Variants in ERICH3 observed in about 807,000 individuals in gnomAD.
The protein encoded by ERICH3 is glutamate-rich protein 3.
ERICH3 carries 126 observed loss-of-function variants against 131.1 expected under a neutral mutation model. The observed-to-expected ratio is 0.96, with a 90% CI of 0.83 to 1.11. The LOEUF (loss-of-function observed/expected upper bound fraction) is 1.11, where lower values mean the gene tolerates loss of function less well. Ranked by LOEUF, ERICH3 falls within the 50% of genes most tolerant of loss-of-function variation. ERICH3 has a pLI of 0.00. For missense variants in ERICH3, 2,050 were observed against 1,810.7 expected (o/e 1.13, Z -2.40); for synonymous variants, 695 against 644.6 (o/e 1.08, Z -1.18).
chr1:74,602,752 G>GA lies in ERICH3; in HGVS notation c.1490-2822dup, dbSNP rs1390092693. ...CATAGCACTAGTTATGTTGGTTTAA[G>GA]AAAAAAAAAGAAAATGAAAAGCTTT... On this transcript the variant is annotated intron_variant, in intron 10 of 14. Coordinates refer to ENST00000326665, the MANE Select transcript of ERICH3 (RefSeq NM_001002912.5). Among the ~76,000 whole-genome samples the GA allele has an allele frequency of 2.7e-5, 4 of 149,768 alleles. No individual in the cohort carries two copies. In the East Asian group the frequency reaches 5.9e-4, roughly 22 times the overall value.
Position 74,598,589 on chromosome 1 carries a change from A to T in ERICH3, c.1726+1106T>A, listed in dbSNP as rs1310828614. 2.6e-5 allele frequency among the ~76,000 whole-genome samples: 4 copies of T among 152,028 alleles called. No individual in the cohort carries two copies. The East Asian group carries it at 7.8e-4, about 29-fold the overall frequency. On this transcript the variant is annotated intron_variant, in intron 11 of 14. Coordinates refer to ENST00000326665, the MANE Select transcript of ERICH3 (RefSeq NM_001002912.5). ...GAGCCCCTCAATAGCCATAATATCC[A>T]ATAGAGAAATGAGTAAAGCAAGCAA...
At chr1:74,632,577 C>CAT (rs1435152793) in intron 6 of ERICH3, among the ~76,000 whole-genome samples, 3 of 151,778 alleles carry the variant, frequency 2.0e-5, no homozygotes, top group East Asian at 1.9e-4. Flanking sequence ...CACACACACA[C>CAT]ATATATATGA....
At chr1:74,618,878 G>C (rs572436508) in intron 8 of ERICH3, among the ~76,000 whole-genome samples, 2 of 152,128 alleles carry the variant, frequency 1.3e-5, no homozygotes, top group African/African-American at 4.8e-5. Flanking sequence ...TCCAACTTTT[G>C]TTAACAGAAA....
At chr1:74,669,144 C>T (rs1055930433) in intron 1 of ERICH3, among the ~76,000 whole-genome samples, 7 of 152,148 alleles carry the variant, frequency 4.6e-5, no homozygotes, top group African/African-American at 1.7e-4. Flanking sequence ...ACTGCATTAT[C>T]AGGGAGTACT....
chr1:74,666,286 G>T (rs1003199253), intron 1 of ERICH3, among the ~76,000 whole-genome samples: 1 of 152,156 alleles, frequency 6.6e-6, no homozygotes, highest in Non-Finnish European at 1.5e-5. Context: ...AGACCCATAA[G>T]AGAATAAGAA....
intron 1 of ERICH3, among the ~76,000 whole-genome samples, chr1:74,660,605 ATATATATATAGTGTG>A (rs959672078): frequency 2.7e-5 from 4 of 148,574 alleles, no homozygotes; most frequent in African/African-American, 9.8e-5. Context: ...GTATATATAT[ATATATATATAGTGTG>A]TATATATATA....
chr1:74,648,409 A>AT (rs1230525404), intron 2 of ERICH3, among the ~76,000 whole-genome samples: 1 of 152,110 alleles, frequency 6.6e-6, no homozygotes, highest in African/African-American at 2.4e-5. Flanking sequence ...TAAGAAAGTG[A>AT]TTTATTCAAG....
At position 74,649,256 on chromosome 1, in the gene ERICH3, G is replaced by C; in HGVS notation, c.83C>G (p.Thr28Arg). 6.2e-7 allele frequency: 1 copy of C among 1,612,600 alleles called. No homozygotes were observed. The highest frequency in any genetic ancestry group is 8.5e-7 in the Non-Finnish European group (1 of 1,179,150). The change falls in exon 2 of 15, where the codon ACA becomes AGA. Residue 28 changes from threonine to arginine, a missense_variant. Coordinates refer to ENST00000326665, the MANE Select transcript of ERICH3 (RefSeq NM_001002912.5). ...DKHLAGYFNN[T>R]RIRRHLLRSG... ...TCTTAAGAGATGACGCCTTATCCTT[G>C]TATTGTTAAAATACCCAGCCAGGTG...
At chr1:74,577,725 AAGAG>A (rs1163027297) in intron 12 of ERICH3, among the ~76,000 whole-genome samples, 1 of 152,182 alleles carries the variant, frequency 6.6e-6, no homozygotes, top group Non-Finnish European at 1.5e-5. Flanking sequence ...GCATTAAAAA[AAGAG>A]AGAGAGAGCA....
In ERICH3 at chr1:74,568,933, C is replaced by A. The variant is rs1646903746; in HGVS notation, c.*1525G>T. 2 of 152,194 alleles carry A rather than the reference C, an allele frequency of 1.3e-5. No homozygotes were observed. The highest frequency in any genetic ancestry group is 2.1e-4 in the South Asian group (1 of 4,816). 9.4% of individuals were successfully genotyped at this position (152,194 alleles called of 1,614,324 possible). ...AGTTTCTAATTTAGTAGGTAGGAGACAAAGGCTGGGAACAATTTCCAGGTG... is the reference window on the plus strand; with the variant it reads ...AGTTTCTAATTTAGTAGGTAGGAGAAAAAGGCTGGGAACAATTTCCAGGTG... On this transcript the variant is annotated 3_prime_UTR_variant, in exon 15 of 15. Transcript: ENST00000326665.
At chr1:74,619,067 A>G (rs113012580) in intron 8 of ERICH3, among the ~76,000 whole-genome samples, 151 of 152,332 alleles carry the variant, frequency 9.9e-4, no homozygotes, top group African/African-American at 3.5e-3. Context: ...AAGCTGAGAC[A>G]AAATTATTGC....
chr1:74,646,833 G>GA, intron 2 of ERICH3, 41 bp from the exon 3 acceptor site: 1 of 1,234,642 alleles, frequency 8.1e-7, no homozygotes, highest in Admixed American at 2.5e-5. Context: ...ATATAAAATA[G>GA]AAAATGTGGT....
chr1:74,673,390 C>G (rs1183589083), intron 1 of ERICH3, 107 bp downstream of exon 1: 4 of 1,382,790 alleles, frequency 2.9e-6, no homozygotes, highest in Admixed American at 2.0e-5. Context: ...CAGCCCTCCC[C>G]CTCGCTCCCC....
chr1:74,643,109 AG>A lies in ERICH3; in HGVS notation c.244-12del, dbSNP rs1646450782. 6.2e-7 allele frequency: 1 copy of A among 1,601,512 alleles called. No homozygotes were observed. Among genetic ancestry groups the A allele is most frequent in the Admixed American group, 1.7e-5 (1 of 58,692 alleles). On this transcript the variant is annotated splice_polypyrimidine_tract_variant and intron_variant, in intron 3 of 14. Transcript: ENST00000326665. ...AAGCTGATGGTAACGCTAAGCATAC[AG>A]GAAAGAATAAAGGAGAGAATCATAT... is the stretch of plus-strand genomic sequence containing the variant.
At chr1:74,632,058 A>T (rs1646343335) in intron 6 of ERICH3, 130 bp from the exon 7 acceptor site, 1 of 772,486 alleles carries the variant, frequency 1.3e-6, no homozygotes, top group African/African-American at 1.7e-5. Context: ...GACAAACTCA[A>T]AACACTCCAG....
intron 7 of ERICH3, 65 bp downstream of exon 7, chr1:74,631,648 A>G (rs1180176800): frequency 7.5e-7 from 1 of 1,340,970 alleles, no homozygotes; most frequent in Non-Finnish European, 1.1e-6. Context: ...CTGCAAACCT[A>G]GAAATCTAAT....
intron 6 of ERICH3, 93 bp from the exon 7 acceptor site, chr1:74,632,021 T>G (rs1404899476): frequency 2.4e-5 from 28 of 1,150,954 alleles, no homozygotes; most frequent in Non-Finnish European, 3.4e-5. Flanking sequence ...TGATTGACAT[T>G]GCATGCAAAC....
intron 7 of ERICH3, among the ~76,000 whole-genome samples, chr1:74,628,985 T>C (rs943898556): frequency 7.9e-5 from 12 of 152,108 alleles, no homozygotes; most frequent in Non-Finnish European, 1.5e-4. Context: ...ATGAGTAACA[T>C]AATTAACATT....
intron 1 of ERICH3, among the ~76,000 whole-genome samples, chr1:74,655,270 A>G (rs1646573641): frequency 1.3e-5 from 2 of 152,066 alleles, no homozygotes; most frequent in African/African-American, 4.8e-5. Context: ...TTAGTTTCCC[A>G]TTGCTGCTAT....
Sources: gnomAD v4.1 joint callset for allele counts (sites outside exome capture counted in the v4.1 genomes callset) on GRCh38, gnomAD v4.1.1 for gene constraint, MANE v1.5 for transcripts, NCBI Gene and HGNC (gene_info 2026-07-23, HGNC 2026-07-21) for gene names.